The following PALM variants were observed in gnomAD, a reference collection of about 807,000 sequenced individuals.
The protein encoded by PALM is paralemmin.
In PALM, 18 loss-of-function variants were observed where a neutral mutation model predicts 30.7. That is an observed-to-expected ratio of 0.59 (90% confidence interval 0.41 to 0.87). The LOEUF (loss-of-function observed/expected upper bound fraction) is 0.87, where lower values mean the gene tolerates loss of function less well. Among genes scored for constraint, PALM ranks in the 40% least tolerant of loss-of-function variants. The pLI, the probability that PALM is intolerant of heterozygous loss-of-function variation, is 0.00. For missense variants in PALM, 529 were observed against 555.4 expected, an observed-to-expected ratio of 0.95 and a Z score of 0.48; for synonymous variants, 286 against 242.8, an observed-to-expected ratio of 1.18 and a Z score of -1.66.
intron 1 of PALM, chr19:719,372 C>T: frequency 1.0e-6 from 1 of 985,550 alleles, no homozygotes; most frequent in Non-Finnish European, 1.2e-6. Flanking sequence ...GACTATCTCA[C>T]GCGCTCCAGA....
intron 1 of PALM, among the ~76,000 whole-genome samples, chr19:722,131 G>C (rs10404753): frequency 0.76 from 114,361 of 151,258 alleles, 43,573 homozygotes; most frequent in East Asian, 0.91. Flanking sequence ...TGTTAGCCAG[G>C]ATGGTCTCGA....
intron 1 of PALM, among the ~76,000 whole-genome samples, chr19:710,733 C>G (rs950383855): frequency 6.6e-6 from 1 of 150,430 alleles, no homozygotes; most frequent in Non-Finnish European, 1.5e-5. Context: ...ACGGTTTCTC[C>G]GTCCTGGGTC....
intron 4 of PALM, among the ~76,000 whole-genome samples, chr19:729,458 CTTTTTTTTT>C (rs34688325): frequency 6.9e-5 from 5 of 72,710 alleles, no homozygotes; most frequent in African/African-American, 1.5e-4. Flanking sequence ...CACGGTGCGT[CTTTTTTTTT>C]TTTTTTTTTT....
At chr19:722,043 C>T (rs998371971) in intron 1 of PALM, among the ~76,000 whole-genome samples, 11 of 152,184 alleles carry the variant, frequency 7.2e-5, no homozygotes, top group South Asian at 2.1e-4. Flanking sequence ...CTCAGCCTCC[C>T]GAGTAGCTGG....
At chr19:727,273 G>GACCCTGACCCCA (rs2032713639) in intron 3 of PALM, among the ~76,000 whole-genome samples, 185 bp downstream of exon 3, 1 of 47,092 alleles carries the variant, frequency 2.1e-5, no homozygotes, top group African/African-American at 8.2e-5. Flanking sequence ...ACCTGACCCC[G>GACCCTGACCCCA]ACCCTGACCC....
intron 8 of PALM, among the ~76,000 whole-genome samples, chr19:743,420 A>T (rs1472231533): frequency 1.3e-5 from 2 of 152,120 alleles, no homozygotes; most frequent in Admixed American, 6.6e-5. Context: ...GAGGGCTCCA[A>T]TTCCTGTCTT....
chr19:720,391 G>T (rs1291363849), intron 1 of PALM, among the ~76,000 whole-genome samples: 3 of 147,936 alleles, frequency 2.0e-5, no homozygotes, highest in African/African-American at 7.5e-5. Flanking sequence ...GAGGGGCGAG[G>T]GGGGCGCCGG....
chr19:717,534 G>A (rs1022079342), intron 1 of PALM, among the ~76,000 whole-genome samples: 9 of 152,118 alleles, frequency 5.9e-5, no homozygotes, highest in Non-Finnish European at 1.2e-4. Flanking sequence ...GCCACATTGC[G>A]TTTACCCACA....
At chr19:731,282 C>T (rs1162459710) in intron 5 of PALM, 37 bp downstream of exon 5, 5 of 1,549,268 alleles carry the variant, frequency 3.2e-6, no homozygotes, top group Non-Finnish European at 4.4e-6. Context: ...TCCCCAGGCA[C>T]CCACTCCCGC....
intron 1 of PALM, chr19:719,752 C>T (rs1299334281): frequency 5.5e-6 from 3 of 543,514 alleles, no homozygotes; most frequent in Admixed American, 6.4e-5. Flanking sequence ...AATGAGACTC[C>T]CCCGCGCCTG....
Position 709,685 on chromosome 19 carries a change from T to C in PALM, c.5+534T>C, listed in dbSNP as rs1191160564. Among the ~76,000 whole-genome samples the C allele has an allele frequency of 6.6e-6, 1 of 151,388 alleles. No individual in the cohort carries two copies. Among genetic ancestry groups the C allele is most frequent in the African/African-American group, 2.4e-5 (1 of 41,188 alleles). On this transcript the variant is annotated intron_variant, in intron 1 of 8. Transcript: ENST00000338448. This position sits in a 1 kb window ranked among gnomAD's most constrained non-coding sequence, Gnocchi z 4.3. The stretch of plus-strand genomic sequence containing the variant: ...AGGGGTGTCCTGAGCCCCCCGCCAC[T>C]GCGCAGGTCCCGAGTTACCGCTGGA...
intron 7 of PALM, 126 bp downstream of exon 7, chr19:736,204 G>A: frequency 1.5e-6 from 1 of 677,666 alleles, no homozygotes; most frequent in Admixed American, 3.1e-5. Flanking sequence ...CGGGGCCGTG[G>A]TTATGGGGGT....
chr19:721,298 C>T (rs1035494723), intron 1 of PALM, among the ~76,000 whole-genome samples: 1 of 152,256 alleles, frequency 6.6e-6, no homozygotes, highest in South Asian at 2.1e-4. Context: ...TAGGGTTTCA[C>T]TCTGTCCCCC....
At chr19:734,940 T>G in intron 6 of PALM, 2 of 405,452 alleles carry the variant, frequency 4.9e-6, no homozygotes, top group African/African-American at 2.2e-5. Context: ...TGTTGTGTGT[T>G]AATTATTCAT....
At chr19:730,218 A>G (rs1447339362) in intron 4 of PALM, among the ~76,000 whole-genome samples, 1 of 151,752 alleles carries the variant, frequency 6.6e-6, no homozygotes, top group African/African-American at 2.4e-5. Flanking sequence ...TGTGGGCTGG[A>G]CCCCTCTTCT....
chr19:740,267 T>TC, intron 7 of PALM, 85 bp from the exon 8 acceptor site: 6 of 1,365,800 alleles, frequency 4.4e-6, no homozygotes, highest in Non-Finnish European at 6.0e-6. Flanking sequence ...CGCTGCTGGC[T>TC]CCCCCCTCCC....
Position 746,876 on chromosome 19 carries a change from C to T in PALM, c.*62C>T. The T allele has an allele frequency of 1.0e-6, 1 of 968,918 alleles. No homozygotes were observed. Among genetic ancestry groups the T allele is most frequent in the African/African-American group, 1.6e-5 (1 of 61,030 alleles). The allele number at this position is 968,918 out of a possible 1,614,324, so 60.0% of individuals were successfully genotyped here. ...CAGACACCCACCAGCCCGGCCCCTC[C>T]CGGCGCCTGCCCACCCTCCACCCAC... On this transcript the variant is annotated 3_prime_UTR_variant, in exon 9 of 9. Coordinates refer to ENST00000338448, the MANE Select transcript of PALM (RefSeq NM_002579.3). The surrounding 1 kb of genome is among the most constrained non-coding windows in gnomAD (Gnocchi z 7.1).
chr19:712,137 C>G (rs2032099566), intron 1 of PALM, among the ~76,000 whole-genome samples: 1 of 152,136 alleles, frequency 6.6e-6, no homozygotes, highest in African/African-American at 2.4e-5. Flanking sequence ...ATTCTCCTAC[C>G]TCAGCCTCCT....
chr19:736,659 G>A (rs892753626), intron 7 of PALM, among the ~76,000 whole-genome samples: 1 of 152,056 alleles, frequency 6.6e-6, no homozygotes, highest in Non-Finnish European at 1.5e-5. Flanking sequence ...ACCTCAGTAC[G>A]CCATCCTGGG....
Sources: allele counts gnomAD v4.1 joint callset (sites outside exome capture counted in the v4.1 genomes callset), GRCh38; gene constraint gnomAD v4.1.1; non-coding constraint Gnocchi (gnomAD v3.1); transcripts MANE v1.5; gene names NCBI Gene and HGNC (gene_info 2026-07-23, HGNC 2026-07-21).